The following ROBO1 variants were observed in gnomAD, a reference collection of about 807,000 sequenced individuals.
ROBO1 encodes the protein roundabout homolog 1.
ROBO1 carries 149 observed loss-of-function variants against 195.9 expected under a neutral mutation model. The observed-to-expected ratio is 0.76, with a 90% CI of 0.67 to 0.87. The LOEUF (loss-of-function observed/expected upper bound fraction) is 0.87, where lower values mean the gene tolerates loss of function less well. Ranked by LOEUF, ROBO1 falls within the 40% of genes least tolerant of loss-of-function variation. ROBO1 has a pLI of 0.00. For synonymous variants in ROBO1, 816 were observed against 733.2 expected (o/e 1.11, Z -1.82); for missense variants, 1,933 against 2,068.3 (o/e 0.93, Z 1.27).
intron 2 of ROBO1, among the ~76,000 whole-genome samples, chr3:79,306,599 A>T (rs201155250): frequency 6.6e-6 from 1 of 152,232 alleles, no homozygotes; most frequent in Non-Finnish European, 1.5e-5. Context: ...CTCCGCAAGC[A>T]CAGCCAGTGA....
At chr3:78,627,114 G>A (rs533920746) in intron 26 of ROBO1, among the ~76,000 whole-genome samples, 3 of 152,182 alleles carry the variant, frequency 2.0e-5, no homozygotes, top group East Asian at 1.9e-4. Context: ...ATTATTTTAC[G>A]GTTGCAAGTT....
intron 3 of ROBO1, among the ~76,000 whole-genome samples, chr3:79,046,601 G>A (rs1382672428): frequency 6.6e-5 from 10 of 152,014 alleles, no homozygotes; most frequent in Non-Finnish European, 1.3e-4. Flanking sequence ...AATGTTCAAG[G>A]GCAGGAAGCA....
At chr3:78,994,334 T>A (rs1272386901) in intron 3 of ROBO1, among the ~76,000 whole-genome samples, 1 of 152,050 alleles carries the variant, frequency 6.6e-6, no homozygotes, top group East Asian at 1.9e-4. Context: ...ATGGAAGCAT[T>A]TTGGGGGAAG....
At chr3:79,003,219 T>A (rs1164049112) in intron 3 of ROBO1, among the ~76,000 whole-genome samples, 1 of 152,122 alleles carries the variant, frequency 6.6e-6, no homozygotes, top group Non-Finnish European at 1.5e-5. Flanking sequence ...GAAATCTGTC[T>A]CCAAACTGTC....
intron 1 of ROBO1, among the ~76,000 whole-genome samples, chr3:79,598,224 A>G (rs1944238113): frequency 6.6e-6 from 1 of 152,110 alleles, no homozygotes; most frequent in Non-Finnish European, 1.5e-5. Context: ...ATCTGTAAGT[A>G]TACTTAAAAT....
At chr3:78,608,428 T>C (rs1355818878) in intron 28 of ROBO1, among the ~76,000 whole-genome samples, 1 of 152,202 alleles carries the variant, frequency 6.6e-6, no homozygotes, top group Non-Finnish European at 1.5e-5. Context: ...TTGTATATCA[T>C]AGATATACTT....
chr3:78,776,925 T>C (rs1160915634), intron 4 of ROBO1, among the ~76,000 whole-genome samples: 1 of 152,172 alleles, frequency 6.6e-6, no homozygotes, highest in Non-Finnish European at 1.5e-5. Flanking sequence ...CAAGACACAC[T>C]TAAAAAGGTG....
At chr3:78,643,412 T>G (rs1706089317) in intron 21 of ROBO1, among the ~76,000 whole-genome samples, 1 of 152,166 alleles carries the variant, frequency 6.6e-6, no homozygotes. Flanking sequence ...TTGAGGTAAT[T>G]CCACATTAGA....
intron 2 of ROBO1, among the ~76,000 whole-genome samples, chr3:79,315,305 T>G (rs1189002760): frequency 6.6e-6 from 1 of 152,170 alleles, no homozygotes; most frequent in Admixed American, 6.6e-5. Context: ...TAAAAAAGTT[T>G]TCATTAAACT....
chr3:79,475,746 C>A (rs943485153), intron 2 of ROBO1, among the ~76,000 whole-genome samples: 2 of 151,982 alleles, frequency 1.3e-5, no homozygotes, highest in Non-Finnish European at 2.9e-5. Flanking sequence ...CTAGTTTGAA[C>A]AGAAAGTTTT....
At chr3:78,829,359 T>C (rs1162593850) in intron 4 of ROBO1, among the ~76,000 whole-genome samples, 3 of 152,208 alleles carry the variant, frequency 2.0e-5, no homozygotes, top group African/African-American at 7.2e-5. Flanking sequence ...AAACAAAATA[T>C]ATTACAGATA....
At chr3:79,034,020 T>A (rs535616323) in intron 3 of ROBO1, among the ~76,000 whole-genome samples, 1 of 152,262 alleles carries the variant, frequency 6.6e-6, no homozygotes, top group African/African-American at 2.4e-5. Context: ...GAGCAAATAG[T>A]GCTTTATAAT....
chr3:79,511,428 C>T (rs1048323146), intron 2 of ROBO1, among the ~76,000 whole-genome samples: 12 of 152,088 alleles, frequency 7.9e-5, no homozygotes, highest in African/African-American at 2.2e-4. Flanking sequence ...CTACTATTCT[C>T]GAAGGATATG....
At chr3:79,302,808 A>C (rs1431279758) in intron 2 of ROBO1, among the ~76,000 whole-genome samples, 2 of 151,696 alleles carry the variant, frequency 1.3e-5, no homozygotes, top group Admixed American at 1.3e-4. Flanking sequence ...CATCATATTA[A>C]AAAAAAAGAC....
chr3:78,963,550 G>T (rs1234582611), intron 3 of ROBO1, among the ~76,000 whole-genome samples: 1 of 107,578 alleles, frequency 9.3e-6, no homozygotes, highest in South Asian at 3.1e-4. Context: ...ACGGAGTCTC[G>T]CTCTGTCGCC....
chr3:78,956,609 A>T (rs965291594), intron 3 of ROBO1, among the ~76,000 whole-genome samples: 16 of 152,208 alleles, frequency 1.1e-4, no homozygotes, highest in African/African-American at 3.9e-4. Flanking sequence ...AATAATCAAT[A>T]ATAATGGAAG....
At chr3:79,235,519 A>T (rs2082391630) in intron 2 of ROBO1, among the ~76,000 whole-genome samples, 1 of 152,134 alleles carries the variant, frequency 6.6e-6, no homozygotes, top group South Asian at 2.1e-4. Flanking sequence ...AGTCACACTT[A>T]TCTGGGAATA....
intron 4 of ROBO1, among the ~76,000 whole-genome samples, chr3:78,882,541 C>A (rs1407553377): frequency 6.6e-6 from 1 of 152,052 alleles, no homozygotes; most frequent in African/African-American, 2.4e-5. Context: ...AATGAAATAT[C>A]TGCTAAGTAT....
chr3:79,479,915 C>G (rs1187663280), intron 2 of ROBO1, among the ~76,000 whole-genome samples: 2 of 152,194 alleles, frequency 1.3e-5, no homozygotes, highest in Admixed American at 1.3e-4. Context: ...GCCACCTTAA[C>G]ATGGAAGTTC....
Sources: allele counts gnomAD v4.1 joint callset (sites outside exome capture counted in the v4.1 genomes callset), GRCh38; gene constraint gnomAD v4.1.1; transcripts MANE v1.5; gene names NCBI Gene and HGNC (gene_info 2026-07-23, HGNC 2026-07-21).